The following AMPH variants were observed in gnomAD, a reference collection of about 807,000 sequenced individuals.
AMPH encodes amphiphysin, also known as amphiphysin (Stiff-Mann syndrome with breast cancer 128kD autoantigen).
In AMPH, 49 loss-of-function variants were observed where a neutral mutation model predicts 99.1. The observed-to-expected ratio is 0.49, with a 90% CI of 0.39 to 0.63. The LOEUF (loss-of-function observed/expected upper bound fraction) is 0.63, where lower values mean the gene tolerates loss of function less well. AMPH is among the 20% of genes least tolerant of loss of function. The pLI is 0.00. For synonymous variants in AMPH, 314 were observed against 317.3 expected (o/e 0.99, Z 0.11); for missense variants, 759 against 863.4 (o/e 0.88, Z 1.52).
chr7:38,418,155 G>A (rs1562739885), intron 16 of AMPH: 1 of 421,480 alleles, frequency 2.4e-6, no homozygotes, highest in Non-Finnish European at 4.1e-6. Context: ...TTAAGCTTCT[G>A]CTTTACCATC....
At chr7:38,600,125 A>G (rs1381700681) in intron 1 of AMPH, among the ~76,000 whole-genome samples, 1 of 152,156 alleles carries the variant, frequency 6.6e-6, no homozygotes, top group African/African-American at 2.4e-5. Context: ...GATAGTTTAA[A>G]AAAATAAAAG....
chr7:38,584,399 G>A (rs1441264871), intron 1 of AMPH, among the ~76,000 whole-genome samples: 1 of 152,218 alleles, frequency 6.6e-6, no homozygotes, highest in African/African-American at 2.4e-5. Context: ...ACTGCTGCAT[G>A]GCTGTCATTG....
intron 17 of AMPH, among the ~76,000 whole-genome samples, chr7:38,415,044 G>GT (rs1031074146): frequency 6.6e-6 from 1 of 151,926 alleles, no homozygotes; most frequent in Non-Finnish European, 1.5e-5. Context: ...CAAGAGTGTT[G>GT]TTTTTTTAAA....
intron 1 of AMPH, among the ~76,000 whole-genome samples, chr7:38,564,890 T>C (rs1373835366): frequency 5.3e-5 from 8 of 152,056 alleles, no homozygotes; most frequent in Non-Finnish European, 2.9e-5. Flanking sequence ...TCTGGGAGGC[T>C]GAGGTGGGTG....
At chr7:38,387,958 T>C (rs906405824) in intron 20 of AMPH, among the ~76,000 whole-genome samples, 13 of 151,938 alleles carry the variant, frequency 8.6e-5, no homozygotes, top group Admixed American at 5.9e-4. Flanking sequence ...CAATGAAACA[T>C]GTTTAAAGAG....
At chr7:38,534,845 T>A in intron 2 of AMPH, 86 bp downstream of exon 2, 2 of 1,176,306 alleles carry the variant, frequency 1.7e-6, no homozygotes, top group Non-Finnish European at 2.5e-6. Context: ...TAGTCTTTTT[T>A]TAATCTTAAT....
At chr7:38,537,756 A>G (rs1357203210) in intron 1 of AMPH, among the ~76,000 whole-genome samples, 1 of 152,254 alleles carries the variant, frequency 6.6e-6, no homozygotes, top group Non-Finnish European at 1.5e-5. Context: ...ACAAAACTTA[A>G]CAGCTATCAG....
At chr7:38,607,001 G>GTGAACAT (rs1469021400) in intron 1 of AMPH, among the ~76,000 whole-genome samples, 3 of 152,124 alleles carry the variant, frequency 2.0e-5, no homozygotes, top group African/African-American at 7.2e-5. Flanking sequence ...TAATGCTGCT[G>GTGAACAT]TGAACATTCA....
At chr7:38,489,219 G>T (rs1346760691) in intron 5 of AMPH, among the ~76,000 whole-genome samples, 3 of 152,026 alleles carry the variant, frequency 2.0e-5, no homozygotes, top group African/African-American at 4.8e-5. Context: ...CTTCAAAAAG[G>T]GTGCCAAGAA....
chr7:38,607,245 A>T (rs1209138850), intron 1 of AMPH, among the ~76,000 whole-genome samples: 1 of 152,200 alleles, frequency 6.6e-6, no homozygotes, highest in African/African-American at 2.4e-5. Flanking sequence ...CAATTTCAGT[A>T]CTAATTTCTA....
Position 38,620,336 on chromosome 7 carries a change from A to ATG in AMPH, c.69+10945_69+10946dup, listed in dbSNP as rs3056281. 6.8e-3 allele frequency among the ~76,000 whole-genome samples: 985 copies of ATG among 145,696 alleles called. 15 individuals carry two copies. Among genetic ancestry groups the ATG allele is most frequent in the East Asian group, 0.062 (297 of 4,780 alleles). On this transcript the variant is annotated intron_variant, in intron 1 of 20. Coordinates refer to ENST00000356264, the MANE Select transcript of AMPH (RefSeq NM_001635.4). ...ATACCAATTCATTGGAGATATATAT[A>ATG]TGTGTGTGTGTGTGTGTGTGTGTGT...
Position 38,384,627 on chromosome 7 carries a change from A to AT in AMPH, c.*190dup, listed in dbSNP as rs1282761619. ...ATTGACAACATGGGAATGAGTGAGG[A>AT]TTTTTTCCTTAATTTACTTTTTTTC... On this transcript the variant is annotated 3_prime_UTR_variant, in exon 21 of 21. Transcript: ENST00000356264. The AT allele has an allele frequency of 3.9e-6, 2 of 514,244 alleles. No homozygotes were observed. The highest frequency in any genetic ancestry group is 3.5e-6 in the Non-Finnish European group (1 of 284,950). 31.9% of individuals were successfully genotyped at this position (514,244 alleles called of 1,614,324 possible).
intron 1 of AMPH, among the ~76,000 whole-genome samples, chr7:38,630,461 G>A (rs1330802809): frequency 1.3e-5 from 2 of 152,054 alleles, no homozygotes; most frequent in Non-Finnish European, 2.9e-5. Flanking sequence ...AAATTACTGT[G>A]CGCAATTTAC....
chr7:38,525,289 G>T (rs866180300), intron 2 of AMPH, among the ~76,000 whole-genome samples: 6,333 of 107,664 alleles, frequency 0.059, 199 homozygotes, highest in Middle Eastern at 0.085. Context: ...GAGAGAGAGA[G>T]AGAGAGAGAG....
chr7:38,470,441 C>G (rs1358072556), intron 7 of AMPH, among the ~76,000 whole-genome samples: 1 of 151,988 alleles, frequency 6.6e-6, no homozygotes, highest in African/African-American at 2.4e-5. Context: ...TGCTTGATAC[C>G]TCTATTGTAA....
intron 1 of AMPH, among the ~76,000 whole-genome samples, chr7:38,592,753 T>A (rs968692311): frequency 2.0e-5 from 3 of 150,810 alleles, no homozygotes; most frequent in Non-Finnish European, 4.4e-5. Flanking sequence ...AAAAAATCAG[T>A]TTCTCCCACT....
intron 4 of AMPH, among the ~76,000 whole-genome samples, chr7:38,493,419 C>T (rs1255138378): frequency 6.6e-6 from 1 of 152,136 alleles, no homozygotes; most frequent in Admixed American, 6.5e-5. Context: ...TAGAGGACAT[C>T]CACACAAAGG....
chr7:38,517,869 A>C (rs1045338588), intron 2 of AMPH, among the ~76,000 whole-genome samples: 1 of 152,248 alleles, frequency 6.6e-6, no homozygotes, highest in Non-Finnish European at 1.5e-5. Context: ...AAAGAAGCCA[A>C]GTGCTATTCA....
At chr7:38,621,380 T>C (rs1430599675) in intron 1 of AMPH, among the ~76,000 whole-genome samples, 2 of 152,246 alleles carry the variant, frequency 1.3e-5, no homozygotes, top group Admixed American at 1.3e-4. Flanking sequence ...CTCTGTCAAC[T>C]GCTATATTAT....
Sources: allele counts gnomAD v4.1 joint callset (sites outside exome capture counted in the v4.1 genomes callset), GRCh38; gene constraint gnomAD v4.1.1; transcripts MANE v1.5; gene names NCBI Gene and HGNC (gene_info 2026-07-23, HGNC 2026-07-21).